Variants in VGLL4 observed in about 807,000 individuals in gnomAD.
VGLL4 encodes the protein transcription cofactor vestigial-like protein 4.
A neutral mutation model predicts 21.0 loss-of-function variants in VGLL4; 7 were observed. That is an observed-to-expected ratio of 0.33 (90% confidence interval 0.19 to 0.63). VGLL4 has a LOEUF of 0.63. Among genes scored for constraint, VGLL4 ranks in the 20% least tolerant of loss-of-function variants. VGLL4 has a pLI of 0.78. For missense variants in VGLL4, 394 were observed against 425.7 expected (o/e 0.93, Z 0.66); for synonymous variants, 222 against 173.2 (o/e 1.28, Z -2.21).
chr3:11,671,475 C>T, intron 2 of VGLL4: 2 of 680,480 alleles, frequency 2.9e-6, no homozygotes, highest in Non-Finnish European at 5.4e-6. Context: ...CCCAGGACCC[C>T]CAGGTGTACA....
At chr3:11,609,454 T>C (rs1403640802) in intron 1 of VGLL4, among the ~76,000 whole-genome samples, 1 of 152,246 alleles carries the variant, frequency 6.6e-6, no homozygotes, top group Non-Finnish European at 1.5e-5. Context: ...CAAGGACTCT[T>C]CTAGTTCTCA....
intron 2 of VGLL4, among the ~76,000 whole-genome samples, chr3:11,670,580 A>G (rs887442899): frequency 1.3e-5 from 2 of 152,226 alleles, no homozygotes; most frequent in African/African-American, 2.4e-5. Flanking sequence ...TGCATTACAT[A>G]TAAGTAATAT....
At chr3:11,619,442 T>C (rs2075223500) in intron 1 of VGLL4, among the ~76,000 whole-genome samples, 1 of 152,344 alleles carries the variant, frequency 6.6e-6, no homozygotes, top group South Asian at 2.1e-4. Context: ...GTTGAAGAAG[T>C]TGGCATCTCT....
Position 11,653,921 on chromosome 3 carries a change from A to T in VGLL4, c.64+49050T>A, listed in dbSNP as rs564056305. Among the ~76,000 whole-genome samples, 1 of 151,388 alleles carries T rather than the reference A, an allele frequency of 6.6e-6. No individual in the cohort carries two copies. The highest frequency in any genetic ancestry group is 2.1e-4 in the South Asian group (1 of 4,814). On this transcript the variant is annotated intron_variant, in intron 2 of 5. Transcript: ENST00000273038. The surrounding 1 kb of genome is among the most constrained non-coding windows in gnomAD (Gnocchi z 4.2). Reference sequence around the variant, plus strand: ...AGGGATAGAATTCACCCGAGACAACACAGAGGGAAGGGCCCCGGCCAGAGG... The same window carrying T: ...AGGGATAGAATTCACCCGAGACAACTCAGAGGGAAGGGCCCCGGCCAGAGG...
intron 2 of VGLL4, among the ~76,000 whole-genome samples, chr3:11,661,663 G>C (rs1488069204): frequency 6.6e-6 from 1 of 151,930 alleles, no homozygotes; most frequent in Non-Finnish European, 1.5e-5. Flanking sequence ...GTAGAGATGG[G>C]GTTTTGCCGT....
intron 2 of VGLL4, among the ~76,000 whole-genome samples, chr3:11,583,686 C>T (rs145660484): frequency 1.6e-4 from 24 of 152,328 alleles, no homozygotes; most frequent in Non-Finnish European, 2.1e-4. Flanking sequence ...GTCACGATGA[C>T]GATGCTCCCA....
At chr3:11,594,345 CAG>C (rs1420331666) in intron 2 of VGLL4, among the ~76,000 whole-genome samples, 5 of 152,164 alleles carry the variant, frequency 3.3e-5, no homozygotes, top group African/African-American at 1.2e-4. Flanking sequence ...GACAAAAAGA[CAG>C]AGATAGACAG....
At chr3:11,714,680 A>G (rs2076894858) in intron 1 of VGLL4, among the ~76,000 whole-genome samples, 2 of 152,124 alleles carry the variant, frequency 1.3e-5, no homozygotes, top group African/African-American at 4.8e-5. Flanking sequence ...GGCATATGAA[A>G]TAACAGAAAC....
chr3:11,573,356 A>G lies in VGLL4; in HGVS notation c.273-8337T>C, dbSNP rs567884973. On this transcript the variant is annotated intron_variant, in intron 2 of 4. Coordinates refer to ENST00000430365, the MANE Select transcript of VGLL4 (RefSeq NM_001128219.3). ...GAAAGAAAGAAAGAAAGAAAGAAAG[A>G]AAGAAAGAAAGAAAGAAAGAAAGAA... Among the ~76,000 whole-genome samples, 316 of 99,646 alleles carry G rather than the reference A, an allele frequency of 3.2e-3. 2 individuals carry two copies. The highest frequency in any genetic ancestry group is 4.4e-3 in the East Asian group (18 of 4,074). The allele number at this position is 99,646 out of a possible 152,430, so 65.4% of individuals were successfully genotyped here.
chr3:11,583,076 A>T (rs1179924696), intron 2 of VGLL4, among the ~76,000 whole-genome samples: 1 of 152,200 alleles, frequency 6.6e-6, no homozygotes. Flanking sequence ...GTGAAGCAGA[A>T]GATTTTCAGC....
chr3:11,668,440 T>G (rs181687431), intron 2 of VGLL4, among the ~76,000 whole-genome samples: 1 of 152,290 alleles, frequency 6.6e-6, no homozygotes, highest in East Asian at 1.9e-4. Context: ...CAGTGGCAGC[T>G]GGGAGCTTGT....
rs181449331 is a variant in VGLL4 at position 11,571,378 on chromosome 3, T to A, written c.273-6359A>T. Among the ~76,000 whole-genome samples, 111 of 152,200 alleles carry A rather than the reference T, an allele frequency of 7.3e-4. 1 individual carries two copies. Among genetic ancestry groups the A allele is most frequent in the South Asian group, 1.9e-3 (9 of 4,812 alleles). ...CACAACCATCCACCCACGTAATGTT[T>A]CCCCCATTAACTCTCCATAAAGGGG... On this transcript the variant is annotated intron_variant, in intron 2 of 4. Transcript: ENST00000430365.
chr3:11,643,325 TGCCCTACACCCCGGAG>T, intron 1 of VGLL4, 96 bp downstream of exon 1: 1 of 1,525,810 alleles, frequency 6.6e-7, no homozygotes, highest in Non-Finnish European at 8.9e-7. Flanking sequence ...GCCTTTCAAG[TGCCCTACACCCCGGAG>T]GAGGACAGCG....
chr3:11,556,115 C>T lies in VGLL4; in HGVS notation c.*2441G>A, dbSNP rs939651062. ...TTGTTCTTAAGGCTACTTTTAAGTA[C>T]AAAAAAAGATGGCCTGCCAAACCTT... On this transcript the variant is annotated 3_prime_UTR_variant, in exon 5 of 5. Transcript: ENST00000430365. 3.3e-5 allele frequency: 5 copies of T among 152,376 alleles called. No homozygotes were observed. Among genetic ancestry groups the T allele is most frequent in the African/African-American group, 2.4e-5 (1 of 41,300 alleles). The allele number at this position is 152,376 out of a possible 1,614,324, so 9.4% of individuals were successfully genotyped here.
chr3:11,604,158 C>T (rs1189739540), intron 1 of VGLL4, among the ~76,000 whole-genome samples: 2 of 152,154 alleles, frequency 1.3e-5, no homozygotes, highest in African/African-American at 4.8e-5. Flanking sequence ...TGTCCTTCAC[C>T]AGGGACTGTG....
chr3:11,686,120 G>A (rs1022604607), intron 2 of VGLL4, among the ~76,000 whole-genome samples: 2 of 152,156 alleles, frequency 1.3e-5, no homozygotes, highest in African/African-American at 4.8e-5. Flanking sequence ...AAACAGTAGG[G>A]CAGTTCCTCA....
intron 2 of VGLL4, among the ~76,000 whole-genome samples, chr3:11,676,394 C>CAAAAAAAAAAAAAAAAAA (rs1219773138): frequency 1.8e-5 from 1 of 54,354 alleles, no homozygotes; most frequent in African/African-American, 6.0e-5. Flanking sequence ...GACTCTGTCT[C>CAAAAAAAAAAAAAAAAAA]AAAAAAAAAA....
At chr3:11,716,413 C>A (rs934118044) in intron 1 of VGLL4, among the ~76,000 whole-genome samples, 1 of 151,970 alleles carries the variant, frequency 6.6e-6, no homozygotes, top group African/African-American at 2.4e-5. Context: ...CAGGGTAGTG[C>A]CTTGTCTGAG....
At chr3:11,640,344 T>C (rs79283252) in intron 1 of VGLL4, among the ~76,000 whole-genome samples, 1,569 of 152,006 alleles carry the variant, frequency 0.01, 21 homozygotes, top group African/African-American at 0.035. Flanking sequence ...AGGGAAAAAA[T>C]GAGGGCTGGG....
Sources: gnomAD v4.1 joint callset for allele counts (sites outside exome capture counted in the v4.1 genomes callset) on GRCh38, gnomAD v4.1.1 for gene constraint, Gnocchi (gnomAD v3.1) non-coding constraint, MANE v1.5 for transcripts, NCBI Gene and HGNC (gene_info 2026-07-23, HGNC 2026-07-21) for gene names.